Variants in LAMA2 observed in about 807,000 individuals in gnomAD.
LAMA2 encodes the protein laminin subunit alpha-2.
In LAMA2, 269 loss-of-function variants were observed where a neutral mutation model predicts 364.8. That is an observed-to-expected ratio of 0.74 (90% CI 0.67 to 0.82). The LOEUF (loss-of-function observed/expected upper bound fraction) is 0.82, where lower values mean the gene tolerates loss of function less well. Ranked by LOEUF, LAMA2 falls within the 40% of genes least tolerant of loss-of-function variation. LAMA2 has a pLI of 0.00. For synonymous variants in LAMA2, 1,379 were observed against 1,370.6 expected (o/e 1.01, Z -0.14); for missense variants, 3,807 against 3,873.2 (o/e 0.98, Z 0.45).
intron 47 of LAMA2, 21 bp from the exon 48 acceptor site, chr6:129,456,314 C>T (rs1782961458): frequency 6.2e-7 from 1 of 1,611,724 alleles, no homozygotes; most frequent in Non-Finnish European, 8.5e-7. Flanking sequence ...CTCCCCTTCA[C>T]TTCAACACGT....
At chr6:129,152,291 G>A (rs1193601013) in intron 7 of LAMA2, among the ~76,000 whole-genome samples, 1 of 152,134 alleles carries the variant, frequency 6.6e-6, no homozygotes, top group Non-Finnish European at 1.5e-5. Flanking sequence ...ATTATGTCCA[G>A]GAATTGTATT....
chr6:129,292,639 A>G (rs1789790924), intron 20 of LAMA2, among the ~76,000 whole-genome samples: 1 of 152,234 alleles, frequency 6.6e-6, no homozygotes, highest in East Asian at 1.9e-4. Flanking sequence ...CTTTCACAAA[A>G]ATACATTGTA....
At chr6:129,184,621 A>G (rs534081016) in intron 10 of LAMA2, among the ~76,000 whole-genome samples, 1 of 151,680 alleles carries the variant, frequency 6.6e-6, no homozygotes, top group African/African-American at 2.4e-5. Flanking sequence ...AATCCCCCCT[A>G]CCTACCCCTG....
intron 9 of LAMA2, among the ~76,000 whole-genome samples, chr6:129,170,177 A>T: frequency 6.8e-6 from 1 of 147,148 alleles, no homozygotes; most frequent in East Asian, 2.0e-4. Context: ...TTCTGCTCTG[A>T]TTTTAGTTAT....
chr6:129,106,882 A>ATATAC (rs1775862732), intron 4 of LAMA2, among the ~76,000 whole-genome samples: 3 of 149,216 alleles, frequency 2.0e-5, no homozygotes, highest in African/African-American at 7.4e-5. Flanking sequence ...AAAAATATAT[A>ATATAC]TATATATACA....
intron 44 of LAMA2, 30 bp from the exon 45 acceptor site, chr6:129,445,637 A>G (rs374372826): frequency 2.6e-5 from 41 of 1,602,338 alleles, no homozygotes; most frequent in Non-Finnish European, 3.3e-5. Flanking sequence ...GTGCATGCAT[A>G]TACATGCACA....
At chr6:129,039,934 TG>T (rs1786971949) in intron 1 of LAMA2, among the ~76,000 whole-genome samples, 1 of 152,206 alleles carries the variant, frequency 6.6e-6, no homozygotes, top group Admixed American at 6.5e-5. Flanking sequence ...GCCCTGGGGT[TG>T]GGGACCCCGG....
At chr6:129,145,533 G>A (rs1778383090) in intron 5 of LAMA2, among the ~76,000 whole-genome samples, 1 of 151,888 alleles carries the variant, frequency 6.6e-6, no homozygotes, top group Non-Finnish European at 1.5e-5. Context: ...GTGTGAAATT[G>A]GAGTGAAATT....
At chr6:129,327,728 A>T (rs555259886) in intron 28 of LAMA2, among the ~76,000 whole-genome samples, 2 of 152,374 alleles carry the variant, frequency 1.3e-5, no homozygotes, top group South Asian at 2.1e-4. Flanking sequence ...GAAAAAAATT[A>T]TATCAGGGAA....
chr6:129,022,242 G>A (rs543069967), intron 1 of LAMA2, among the ~76,000 whole-genome samples: 6 of 152,180 alleles, frequency 3.9e-5, no homozygotes, highest in Non-Finnish European at 8.8e-5. Flanking sequence ...AATCTTTCAA[G>A]AGGCTTTAAG....
At chr6:129,315,190 A>T (rs997199597) in intron 24 of LAMA2, among the ~76,000 whole-genome samples, 28 of 152,156 alleles carry the variant, frequency 1.8e-4, no homozygotes, top group African/African-American at 6.8e-4. Flanking sequence ...TTGGAGTGAA[A>T]ACATGTTCAT....
At chr6:129,439,751 C>T (rs1378621575) in intron 42 of LAMA2, among the ~76,000 whole-genome samples, 2 of 149,684 alleles carry the variant, frequency 1.3e-5, no homozygotes, top group Admixed American at 1.3e-4. Flanking sequence ...ACTTAATATA[C>T]TTATGTTAAG....
chr6:129,051,710 C>A (rs955754851), intron 2 of LAMA2, among the ~76,000 whole-genome samples: 3 of 90,848 alleles, frequency 3.3e-5, no homozygotes, highest in Admixed American at 1.4e-4. Flanking sequence ...CTATAGATAT[C>A]TATATCTATA....
intron 3 of LAMA2, among the ~76,000 whole-genome samples, chr6:129,071,911 T>G (rs1185944466): frequency 6.6e-6 from 1 of 152,164 alleles, no homozygotes; most frequent in African/African-American, 2.4e-5. Context: ...GCGGATGGCT[T>G]GAGCCCAGAA....
At chr6:128,916,717 G>A (rs1426582892) in intron 1 of LAMA2, among the ~76,000 whole-genome samples, 1 of 152,228 alleles carries the variant, frequency 6.6e-6, no homozygotes, top group Admixed American at 6.5e-5. Flanking sequence ...AGAAGCATTT[G>A]ATGTTGGCAG....
chr6:129,048,895 G>A (rs976383004), intron 1 of LAMA2, among the ~76,000 whole-genome samples: 11 of 152,080 alleles, frequency 7.2e-5, no homozygotes, highest in Admixed American at 5.2e-4. Flanking sequence ...GATTACAGGC[G>A]TGAGTCACCA....
chr6:129,323,099 G>A (rs1010030010), intron 28 of LAMA2, among the ~76,000 whole-genome samples: 1 of 152,148 alleles, frequency 6.6e-6, no homozygotes, highest in East Asian at 1.9e-4. Flanking sequence ...TGTACCTGAA[G>A]TGTTTTCCAC....
Position 129,250,232 on chromosome 6 carries a change from G to C in LAMA2, c.1884+19G>C. The C allele has an allele frequency of 1.5e-6, 2 of 1,371,972 alleles. No individual in the cohort carries two copies. The highest frequency in any genetic ancestry group is 2.1e-6 in the Non-Finnish European group (2 of 961,678). The allele number at this position is 1,371,972 out of a possible 1,614,324, so 85.0% of individuals were successfully genotyped here. On this transcript the variant is annotated intron_variant, in intron 13 of 64. Coordinates refer to ENST00000421865, the MANE Select transcript of LAMA2 (RefSeq NM_000426.4). ...CTTAGAGGTAGAGTACTGAGAGCATGTTCACCCGTGTTACTTCCTGATGTT... is the reference window on the plus strand; with the variant it reads ...CTTAGAGGTAGAGTACTGAGAGCATCTTCACCCGTGTTACTTCCTGATGTT...
rs2114788756 is a variant in LAMA2, at chr6:129,453,095, T to C, written c.6537T>C (p.Ala2179=). Residue 2179 remains alanine (A), a synonymous_variant, in exon 46 of 65, where the codon GCT becomes GCC. Transcript: ENST00000421865. ...TTGTCAACGTAAAGACAGCTGTTGCTGATAACCTCCTCTTTTATCTTGGAA... is the reference window on the plus strand; with the variant it reads ...TTGTCAACGTAAAGACAGCTGTTGCCGATAACCTCCTCTTTTATCTTGGAA... ...NIVVNVKTAV[A]DNLLFYLGSA... is the part of the protein sequence containing the mutation. The C allele has an allele frequency of 6.2e-7, 1 of 1,613,178 alleles. No individual in the cohort carries two copies. Among genetic ancestry groups the C allele is most frequent in the Non-Finnish European group, 8.5e-7 (1 of 1,179,494 alleles).
Sources: gnomAD v4.1 joint callset for allele counts (sites outside exome capture counted in the v4.1 genomes callset) on GRCh38, gnomAD v4.1.1 for gene constraint, MANE v1.5 for transcripts, NCBI Gene and HGNC (gene_info 2026-07-23, HGNC 2026-07-21) for gene names.